The following ATCAY variants were observed in gnomAD, a reference collection of about 807,000 sequenced individuals.
ATCAY encodes ATCAY kinesin light chain interacting caytaxin, also known as caytaxin.
A neutral mutation model predicts 47.7 loss-of-function variants in ATCAY; 22 were observed. The observed-to-expected ratio is 0.46, with a 90% CI of 0.33 to 0.66. ATCAY has a LOEUF of 0.66. Among genes scored for constraint, ATCAY ranks in the 30% least tolerant of loss-of-function variants. The probability of loss-of-function intolerance (pLI) is 0.02; values close to 1 mark genes in which losing one functional copy is unlikely to be tolerated. For synonymous variants in ATCAY, 216 were observed against 207.6 expected, an observed-to-expected ratio of 1.04 and a Z score of -0.35; for missense variants, 452 against 515.0, an observed-to-expected ratio of 0.88 and a Z score of 1.18.
At chr19:3,887,581 G>T (rs1003096467) in intron 2 of ATCAY, among the ~76,000 whole-genome samples, 9 of 151,158 alleles carry the variant, frequency 6.0e-5, no homozygotes, top group Non-Finnish European at 1.2e-4. Flanking sequence ...CCGCCTCCCG[G>T]GTTCACGCCA....
chr19:3,890,635 G>A (rs2038709642), intron 2 of ATCAY, among the ~76,000 whole-genome samples: 1 of 152,170 alleles, frequency 6.6e-6, no homozygotes, highest in African/African-American at 2.4e-5. Flanking sequence ...GAGCGCACCT[G>A]CAAATGCAAG....
intron 2 of ATCAY, among the ~76,000 whole-genome samples, chr19:3,894,917 C>G (rs987478239): frequency 7.6e-6 from 1 of 132,170 alleles, no homozygotes; most frequent in Non-Finnish European, 1.5e-5. Context: ...CTACTGTGCT[C>G]TAGGCTGGGC....
intron 6 of ATCAY, among the ~76,000 whole-genome samples, chr19:3,909,003 C>CAAA (rs71166937): frequency 2.4e-4 from 3 of 12,468 alleles, no homozygotes; most frequent in African/African-American, 5.4e-4. Context: ...GAACCTGTCT[C>CAAA]AAAAAAAAAA....
chr19:3,922,805 C>T (rs1050024092), intron 12 of ATCAY, among the ~76,000 whole-genome samples: 6 of 152,104 alleles, frequency 3.9e-5, no homozygotes, highest in Admixed American at 3.9e-4. Context: ...AGTGCAGTGG[C>T]ATGATCTTGG....
intron 10 of ATCAY, 141 bp from the exon 11 acceptor site, chr19:3,918,665 G>C: frequency 1.3e-6 from 1 of 765,922 alleles, no homozygotes. Context: ...TTCTCAAATA[G>C]CAAAGGCAGG....
chr19:3,903,780 C>T (rs956323692), intron 3 of ATCAY, among the ~76,000 whole-genome samples: 3 of 151,708 alleles, frequency 2.0e-5, no homozygotes, highest in Non-Finnish European at 4.4e-5. Context: ...CCACCTTGGC[C>T]TCCCAAAGTG....
At position 3,919,569 on chromosome 19, in the gene ATCAY, C is replaced by T. The variant is rs567709864; in HGVS notation, c.1073+692C>T. Reference sequence around the variant, plus strand: ...ATCAGACCACTGCACTCCAGCCTGGCGACAGAATGAGATTCTGTCTCAAAA... The same window carrying T: ...ATCAGACCACTGCACTCCAGCCTGGTGACAGAATGAGATTCTGTCTCAAAA... On this transcript the variant is annotated intron_variant, in intron 11 of 12. Coordinates refer to ENST00000450849, the MANE Select transcript of ATCAY (RefSeq NM_033064.5). Among the ~76,000 whole-genome samples the T allele has an allele frequency of 5.4e-4, 82 of 151,628 alleles. 1 individual carries two copies. Among genetic ancestry groups the T allele is most frequent in the African/African-American group, 1.9e-3 (78 of 41,354 alleles).
intron 1 of ATCAY, among the ~76,000 whole-genome samples, chr19:3,884,514 C>T (rs1010095427): frequency 1.7e-4 from 26 of 152,034 alleles, no homozygotes; most frequent in East Asian, 1.9e-4. Context: ...ATTCCCAGCA[C>T]GGAAGCTGAA....
rs1446706039 is a variant in ATCAY, at chr19:3,927,863, C to G, written c.*3271C>G. The G allele has an allele frequency of 1.3e-5, 2 of 152,378 alleles. No individual in the cohort carries two copies. The highest frequency in any genetic ancestry group is 4.1e-4 in the South Asian group (2 of 4,824). 9.4% of individuals were successfully genotyped at this position (152,378 alleles called of 1,614,324 possible). On this transcript the variant is annotated 3_prime_UTR_variant, in exon 13 of 13. Coordinates refer to ENST00000450849, the MANE Select transcript of ATCAY (RefSeq NM_033064.5). ...CAAAATGCAATGGACCCCGACCCCT[C>G]CTCGTAAAAGGATGTTGGGTTTCCC... is the stretch of plus-strand genomic sequence containing the variant.
chr19:3,898,327 C>T (rs938438797), intron 2 of ATCAY, among the ~76,000 whole-genome samples: 5 of 152,150 alleles, frequency 3.3e-5, no homozygotes, highest in Admixed American at 6.6e-5. Context: ...TGGAACTAGA[C>T]GTGTACCACC....
intron 6 of ATCAY, 30 bp downstream of exon 6, chr19:3,908,400 G>C (rs151257209): frequency 3.2e-6 from 5 of 1,543,808 alleles, no homozygotes; most frequent in East Asian, 4.8e-5. Flanking sequence ...GAGCAGCCTC[G>C]GGCCAGCTCT....
intron 1 of ATCAY, among the ~76,000 whole-genome samples, chr19:3,882,503 T>TA (rs1248242010): frequency 6.6e-6 from 1 of 151,024 alleles, no homozygotes; most frequent in Non-Finnish European, 1.5e-5. Context: ...TTTTGTATTT[T>TA]TTTTTTTTTA....
Position 3,926,857 on chromosome 19 carries a change from G to A in ATCAY, c.*2265G>A, listed in dbSNP as rs886054423. 4.6e-5 allele frequency: 7 copies of A among 152,134 alleles called. No homozygotes were observed. The highest frequency in any genetic ancestry group is 1.2e-4 in the African/African-American group (5 of 41,416). 9.4% of individuals were successfully genotyped at this position (152,134 alleles called of 1,614,324 possible). ...ATTTGTTTCCCAAATGTCAAATCCC[G>A]GGCACAGGGGCAAGACCCTGTCCCG... On this transcript the variant is annotated 3_prime_UTR_variant, in exon 13 of 13. Transcript: ENST00000450849.
intron 9 of ATCAY, among the ~76,000 whole-genome samples, chr19:3,914,163 G>T (rs1230617783): frequency 6.8e-6 from 1 of 147,842 alleles, no homozygotes; most frequent in African/African-American, 2.5e-5. Context: ...GTGAACCCCG[G>T]AGGCGGAGGT....
intron 8 of ATCAY, 125 bp downstream of exon 8, chr19:3,911,014 T>TGTGTGTGTGCAA (rs2038918388): frequency 9.9e-7 from 1 of 1,013,996 alleles, no homozygotes; most frequent in Admixed American, 2.0e-5. Flanking sequence ...TGTGTGTGCA[T>TGTGTGTGTGCAA]CCATGTGTGT....
intron 4 of ATCAY, among the ~76,000 whole-genome samples, chr19:3,906,849 C>T (rs2038865359): frequency 1.3e-5 from 2 of 151,864 alleles, no homozygotes; most frequent in South Asian, 2.1e-4. Flanking sequence ...AAAGACAGAC[C>T]ACGAAAGGCC....
At chr19:3,920,132 T>G (rs935407843) in intron 11 of ATCAY, 4 of 152,070 alleles carry the variant, frequency 2.6e-5, no homozygotes, top group Non-Finnish European at 4.4e-5. Flanking sequence ...CCATTTGAGG[T>G]CAGGAGTTCG....
intron 1 of ATCAY, among the ~76,000 whole-genome samples, chr19:3,881,773 G>A (rs2038601776): frequency 6.6e-6 from 1 of 151,720 alleles, no homozygotes; most frequent in African/African-American, 2.4e-5. Context: ...AAGGAAGGGA[G>A]AGGCGAAGAC....
chr19:3,887,004 G>T (rs1427124493), intron 2 of ATCAY, among the ~76,000 whole-genome samples: 1 of 151,998 alleles, frequency 6.6e-6, no homozygotes, highest in Non-Finnish European at 1.5e-5. Context: ...ATTTTGCAGG[G>T]ACATCTTGTC....
Sources: allele counts gnomAD v4.1 joint callset (sites outside exome capture counted in the v4.1 genomes callset), GRCh38; gene constraint gnomAD v4.1.1; transcripts MANE v1.5; gene names NCBI Gene and HGNC (gene_info 2026-07-23, HGNC 2026-07-21).